Variants in MAMLD1 observed in about 807,000 individuals in gnomAD.
MAMLD1 encodes mastermind like domain containing 1.
In MAMLD1, 14 loss-of-function variants were observed where a neutral mutation model predicts 45.0. The ratio of observed to expected loss-of-function variants is 0.31; its 90% CI spans 0.21 to 0.49. The LOEUF (loss-of-function observed/expected upper bound fraction) is 0.49. MAMLD1 is among the 20% of genes least tolerant of loss of function. MAMLD1 has a pLI of 0.99. For missense variants in MAMLD1, 543 were observed against 603.6 expected (o/e 0.90, Z 1.05); for synonymous variants, 254 against 247.8 (o/e 1.02, Z -0.24).
At chrX:150,376,338 A>G (rs2032313921) in intron 1 of MAMLD1, among the ~76,000 whole-genome samples, 1 of 112,097 alleles carries the variant, frequency 8.9e-6, no homozygotes, top group South Asian at 3.7e-4. Context: ...TTTTAGCTAA[A>G]GACAAAGTTG....
intron 2 of MAMLD1, among the ~76,000 whole-genome samples, chrX:150,453,327 G>A (rs781947712): frequency 5.4e-5 from 6 of 112,087 alleles, no homozygotes; most frequent in Non-Finnish European, 1.1e-4. Flanking sequence ...CATGGCCTGC[G>A]AAGCCTGAGA....
intron 1 of MAMLD1, among the ~76,000 whole-genome samples, chrX:150,387,514 T>C (rs782683903): frequency 1.3e-3 from 141 of 112,115 alleles, no homozygotes; most frequent in African/African-American, 4.2e-3. Context: ...ATTTGTGGGA[T>C]GCGTATACAG....
At chrX:150,487,410 A>G (rs894851441) in intron 5 of MAMLD1, among the ~76,000 whole-genome samples, 4 of 112,394 alleles carry the variant, frequency 3.6e-5, no homozygotes, top group African/African-American at 1.3e-4. Flanking sequence ...AATTGAAGAA[A>G]TTAGAAACAG....
At chrX:150,368,958 A>G (rs1389170728) in intron 1 of MAMLD1, among the ~76,000 whole-genome samples, 1 of 111,826 alleles carries the variant, frequency 8.9e-6, no homozygotes, top group African/African-American at 3.3e-5. Context: ...TGTTTTGGTT[A>G]CTGTAGCCTT....
At position 150,470,049 on chromosome X, in the gene MAMLD1, C is replaced by T. The variant is rs1557406256; in HGVS notation, c.476C>T (p.Thr159Ile). 8.3e-7 allele frequency: 1 copy of T among 1,211,892 alleles called. No homozygotes were observed. Among genetic ancestry groups the T allele is most frequent in the Admixed American group, 2.2e-5 (1 of 46,065 alleles). ...QTTEVGLKGPTVPYYEKINSV... is the reference protein window; with the variant it reads ...QTTEVGLKGPIVPYYEKINSV... ...ACAGAAGTGGGACTGAAAGGGCCCA[C>T]TGTTCCTTACTATGAGAAAATCAAC... The change falls in exon 4 of 8, where the codon ACT becomes ATT. Residue 159 changes from threonine to isoleucine, a missense_variant. Coordinates refer to ENST00000370401, the MANE Select transcript of MAMLD1 (RefSeq NM_005491.5).
chrX:150,442,440 T>A (rs1439713965), intron 1 of MAMLD1, among the ~76,000 whole-genome samples: 2 of 111,733 alleles, frequency 1.8e-5, no homozygotes, highest in Non-Finnish European at 3.8e-5. Context: ...CATTTTTGAA[T>A]CTATCTTTTT....
At chrX:150,481,996 G>GAAAGAA (rs2036814958) in intron 5 of MAMLD1, among the ~76,000 whole-genome samples, 6 of 103,719 alleles carry the variant, frequency 5.8e-5, no homozygotes, top group Non-Finnish European at 1.2e-4. Flanking sequence ...AAGAAAGAAA[G>GAAAGAA]AAAGAAAGAA....
chrX:150,416,633 A>G (rs781919741), intron 1 of MAMLD1, among the ~76,000 whole-genome samples: 40 of 112,231 alleles, frequency 3.6e-4, no homozygotes, highest in African/African-American at 1.3e-3. Context: ...ATGCGCAGCA[A>G]TTTTCCCACT....
chrX:150,417,298 T>C (rs1286470091), intron 1 of MAMLD1, among the ~76,000 whole-genome samples: 3 of 106,580 alleles, frequency 2.8e-5, no homozygotes, highest in East Asian at 5.9e-4. Flanking sequence ...CTGAGAATGA[T>C]GATTTCCAAT....
intron 2 of MAMLD1, among the ~76,000 whole-genome samples, chrX:150,460,664 G>T (rs1557405572): frequency 8.9e-6 from 1 of 111,926 alleles, no homozygotes; most frequent in African/African-American, 3.3e-5. Flanking sequence ...CCAATCAGAA[G>T]TCTTAGAGAT....
At chrX:150,488,991 A>C (rs1176961669) in intron 5 of MAMLD1, among the ~76,000 whole-genome samples, 2 of 113,130 alleles carry the variant, frequency 1.8e-5, no homozygotes, top group African/African-American at 3.2e-5. Flanking sequence ...TAGAGTTGTC[A>C]GGAGTTTCCC....
intron 1 of MAMLD1, among the ~76,000 whole-genome samples, chrX:150,421,761 A>G (rs913192326): frequency 4.5e-5 from 5 of 112,312 alleles, no homozygotes; most frequent in African/African-American, 1.6e-4. Context: ...CATTGTCCCA[A>G]TTAATGATTC....
intron 1 of MAMLD1, among the ~76,000 whole-genome samples, chrX:150,370,106 T>C (rs1557400936): frequency 9.3e-6 from 1 of 107,986 alleles, no homozygotes; most frequent in South Asian, 4.1e-4. Context: ...ATGCTGAGAG[T>C]GTGAATAGAC....
At chrX:150,413,953 G>GGA (rs1240523444) in intron 1 of MAMLD1, among the ~76,000 whole-genome samples, 203 of 96,823 alleles carry the variant, frequency 2.1e-3, no homozygotes, top group African/African-American at 6.9e-3. Context: ...GGGTGCTGAG[G>GGA]GAGAGAGAGA....
At chrX:150,376,004 A>C (rs2032299781) in intron 1 of MAMLD1, among the ~76,000 whole-genome samples, 1 of 111,374 alleles carries the variant, frequency 9.0e-6, no homozygotes, top group Non-Finnish European at 1.9e-5. Flanking sequence ...TACCCACCTG[A>C]GGGCCACCGA....
At chrX:150,376,091 T>C (rs1390390305) in intron 1 of MAMLD1, among the ~76,000 whole-genome samples, 3 of 111,591 alleles carry the variant, frequency 2.7e-5, no homozygotes, top group Non-Finnish European at 5.6e-5. Context: ...CTGGGCATCA[T>C]TTTCTCCATC....
intron 1 of MAMLD1, among the ~76,000 whole-genome samples, chrX:150,368,333 T>G (rs1175435760): frequency 8.9e-6 from 1 of 111,941 alleles, no homozygotes. Context: ...TTTTTTCATG[T>G]GTCTGCTGGC....
chrX:150,512,920 T>G lies in MAMLD1; in HGVS notation c.*961T>G, dbSNP rs1295008308. ...CTGACTGCAATGAGGTAGATTTCAT[T>G]GAAGCTCTCTTGAAAGGCTCCTGTG... On this transcript the variant is annotated 3_prime_UTR_variant, in exon 8 of 8. Coordinates refer to ENST00000370401, the MANE Select transcript of MAMLD1 (RefSeq NM_005491.5). 1 of 1,154,438 alleles carries G rather than the reference T, an allele frequency of 8.7e-7. No homozygotes were observed. The highest frequency in any genetic ancestry group is 1.1e-6 in the Non-Finnish European group (1 of 872,590).
At chrX:150,475,362 C>T (rs1272389943) in intron 5 of MAMLD1, among the ~76,000 whole-genome samples, 5 of 111,652 alleles carry the variant, frequency 4.5e-5, no homozygotes, top group Non-Finnish European at 7.5e-5. Context: ...AACCACCGCA[C>T]CTGGTCTAGA....
Sources: gnomAD v4.1 joint callset for allele counts (sites outside exome capture counted in the v4.1 genomes callset) on GRCh38, gnomAD v4.1.1 for gene constraint, MANE v1.5 for transcripts, NCBI Gene and HGNC (gene_info 2026-07-23, HGNC 2026-07-21) for gene names.